The following TRIM44 variants were observed in gnomAD, a reference collection of about 807,000 sequenced individuals.
TRIM44 encodes the protein tripartite motif-containing protein 44.
A neutral mutation model predicts 37.4 loss-of-function variants in TRIM44; 13 were observed. The observed-to-expected ratio is 0.35, with a 90% CI of 0.23 to 0.55. The LOEUF is 0.55. Among genes scored for constraint, TRIM44 ranks in the 20% least tolerant of loss-of-function variants. TRIM44 has a pLI of 0.89. For missense variants in TRIM44, 426 were observed against 437.2 expected, an observed-to-expected ratio of 0.97 and a Z score of 0.23; for synonymous variants, 175 against 157.2, an observed-to-expected ratio of 1.11 and a Z score of -0.85.
Position 35,663,183 on chromosome 11 carries a change from C to T in TRIM44, c.72C>T (p.Asp24=), listed in dbSNP as rs368966716. 1.9e-6 allele frequency: 3 copies of T among 1,580,682 alleles called. No individual in the cohort carries two copies. The highest frequency in any genetic ancestry group is 2.7e-5 in the African/African-American group (2 of 74,292). Residue 24 remains aspartate (D), a synonymous_variant, in exon 1 of 5, where the codon GAC becomes GAT. Transcript: ENST00000299413. Reference sequence around the variant, plus strand: ...GCACGTGTGACGAGTGCGAGCCCGACGAGGCTCCGGGGGCCGAGGAAGTGT... The same window carrying T: ...GCACGTGTGACGAGTGCGAGCCCGATGAGGCTCCGGGGGCCGAGGAAGTGT... ...HDGTCDECEP[D]EAPGAEEVCR...
chr11:35,677,975 C>A (rs1288192035), intron 1 of TRIM44, among the ~76,000 whole-genome samples: 1 of 152,082 alleles, frequency 6.6e-6, no homozygotes, highest in East Asian at 1.9e-4. Flanking sequence ...ATGAGAAGCT[C>A]TAGGGACATA....
At chr11:35,778,938 A>G (rs998990906) in intron 4 of TRIM44, among the ~76,000 whole-genome samples, 4 of 152,180 alleles carry the variant, frequency 2.6e-5, no homozygotes, top group Non-Finnish European at 5.9e-5. Context: ...TCAGATCTCA[A>G]ACGCCGTTGT....
intron 2 of TRIM44, among the ~76,000 whole-genome samples, chr11:35,714,432 C>T (rs576750510): frequency 6.6e-6 from 1 of 152,274 alleles, no homozygotes; most frequent in Non-Finnish European, 1.5e-5. Flanking sequence ...GTCCTCAAAC[C>T]CCTTTCTCTA....
chr11:35,755,341 T>A (rs982871330), intron 4 of TRIM44, among the ~76,000 whole-genome samples: 13 of 144,682 alleles, frequency 9.0e-5, no homozygotes, highest in Non-Finnish European at 1.7e-4. Context: ...TGCCCACTTG[T>A]TAATGGGGTT....
Position 35,817,502 on chromosome 11 carries a change from A to G in TRIM44, c.*11117A>G, listed in dbSNP as rs1853593305. 6.6e-6 allele frequency: 1 copy of G among 152,152 alleles called. No individual in the cohort carries two copies. The highest frequency in any genetic ancestry group is 1.5e-5 in the Non-Finnish European group (1 of 68,018). The allele number at this position is 152,152 out of a possible 1,614,324, so 9.4% of individuals were successfully genotyped here. ...ATAACAGAAAAATTGTTCCTCTAAG[A>G]GTCCCAAGTCATCTTTTTTCTCTCC... On this transcript the variant is annotated 3_prime_UTR_variant, in exon 5 of 5. Coordinates refer to ENST00000299413, the MANE Select transcript of TRIM44 (RefSeq NM_017583.6).
chr11:35,672,683 G>T (rs1851409739), intron 1 of TRIM44, among the ~76,000 whole-genome samples: 1 of 152,148 alleles, frequency 6.6e-6, no homozygotes, highest in African/African-American at 2.4e-5. Flanking sequence ...CGAGGGGCTG[G>T]AGGTATGCCG....
At position 35,809,251 on chromosome 11, in the gene TRIM44, C is replaced by T. The variant is rs1390845758; in HGVS notation, c.*2866C>T. ...AGATGGGGAGTGGAAGAGTCATTTG[C>T]TTCAAGTTATACAGCTAGGAAATAC... is the stretch of plus-strand genomic sequence containing the variant. On this transcript the variant is annotated 3_prime_UTR_variant, in exon 5 of 5. Transcript: ENST00000299413. 6.6e-6 allele frequency: 1 copy of T among 152,166 alleles called. No individual in the cohort carries two copies. Among genetic ancestry groups the T allele is most frequent in the Admixed American group, 6.5e-5 (1 of 15,278 alleles). The allele number at this position is 152,166 out of a possible 1,614,324, so 9.4% of individuals were successfully genotyped here.
intron 2 of TRIM44, among the ~76,000 whole-genome samples, chr11:35,717,481 C>T (rs1852052096): frequency 6.6e-6 from 1 of 152,068 alleles, no homozygotes; most frequent in African/African-American, 2.4e-5. Context: ...ACTCCCTGGT[C>T]CCCTGTCTGC....
At chr11:35,722,535 G>A (rs904866090) in intron 2 of TRIM44, among the ~76,000 whole-genome samples, 2 of 152,230 alleles carry the variant, frequency 1.3e-5, no homozygotes, top group Non-Finnish European at 2.9e-5. Context: ...GCAAGGGGTG[G>A]ATTATTCATG....
At chr11:35,665,586 G>GTTTTTTTTTTTTTTTTTTTTTTTTTTT in intron 1 of TRIM44, among the ~76,000 whole-genome samples, 1 of 71,518 alleles carries the variant, frequency 1.4e-5, no homozygotes, top group Non-Finnish European at 2.7e-5. Context: ...TTATATATCT[G>GTTTTTTTTTTTTTTTTTTTTTTTTTTT]TTTTTTTTTT....
At chr11:35,728,346 T>C (rs1852211727) in intron 3 of TRIM44, among the ~76,000 whole-genome samples, 2 of 152,018 alleles carry the variant, frequency 1.3e-5, no homozygotes, top group African/African-American at 4.8e-5. Flanking sequence ...AGTTTAATTT[T>C]GGGGTTTATT....
At chr11:35,804,523 G>C (rs1279086498) in intron 4 of TRIM44, among the ~76,000 whole-genome samples, 1 of 152,174 alleles carries the variant, frequency 6.6e-6, no homozygotes, top group Non-Finnish European at 1.5e-5. Flanking sequence ...GCAGCTTAGG[G>C]CAGAGTCACC....
chr11:35,722,456 C>G (rs1852121306), intron 2 of TRIM44, among the ~76,000 whole-genome samples: 1 of 152,226 alleles, frequency 6.6e-6, no homozygotes, highest in African/African-American at 2.4e-5. Flanking sequence ...AATGGCTACT[C>G]CATAGGCAGA....
intron 4 of TRIM44, among the ~76,000 whole-genome samples, chr11:35,775,366 T>G (rs1175334299): frequency 6.6e-6 from 1 of 152,242 alleles, no homozygotes; most frequent in African/African-American, 2.4e-5. Context: ...AAGGAGATTT[T>G]GGGCTGAAAC....
chr11:35,664,174 A>G lies in TRIM44; in HGVS notation c.669+394A>G, dbSNP rs528768331. Among the ~76,000 whole-genome samples the G allele has an allele frequency of 3.5e-3, 530 of 152,264 alleles. 7 individuals are homozygous for G. Among genetic ancestry groups the G allele is most frequent in the Middle Eastern group, 6.8e-3 (2 of 294 alleles). ...TTTTTGCCTACTTGAAAACATGGGAAATAGGATTTTGCCACATGAATCCAA... is the reference window on the plus strand; with the variant it reads ...TTTTTGCCTACTTGAAAACATGGGAGATAGGATTTTGCCACATGAATCCAA... On this transcript the variant is annotated intron_variant, in intron 1 of 4. Coordinates refer to ENST00000299413, the MANE Select transcript of TRIM44 (RefSeq NM_017583.6).
chr11:35,770,438 G>A (rs1039322604), intron 4 of TRIM44, among the ~76,000 whole-genome samples: 8 of 152,186 alleles, frequency 5.3e-5, no homozygotes, highest in African/African-American at 1.7e-4. Context: ...GGATTGCTGG[G>A]TTGAATAATA....
intron 1 of TRIM44, among the ~76,000 whole-genome samples, chr11:35,683,417 A>G (rs141090351): frequency 1.3e-5 from 2 of 152,280 alleles, no homozygotes; most frequent in East Asian, 3.9e-4. Flanking sequence ...GAGAGGTCAG[A>G]GGGGGGAAAA....
intron 3 of TRIM44, among the ~76,000 whole-genome samples, chr11:35,727,297 G>A (rs66522310): frequency 0.18 from 27,456 of 152,146 alleles, 2,726 homozygotes; most frequent in East Asian, 0.3. Context: ...AAAAACATAG[G>A]AGAGTCCTGT....
At chr11:35,734,521 G>A (rs1852306106) in intron 3 of TRIM44, among the ~76,000 whole-genome samples, 1 of 152,108 alleles carries the variant, frequency 6.6e-6, no homozygotes, top group African/African-American at 2.4e-5. Flanking sequence ...CATTCTCCGA[G>A]GAGTACAACC....
Sources: allele counts gnomAD v4.1 joint callset (sites outside exome capture counted in the v4.1 genomes callset), GRCh38; gene constraint gnomAD v4.1.1; transcripts MANE v1.5; gene names NCBI Gene and HGNC (gene_info 2026-07-23, HGNC 2026-07-21).